The following CCDC70 variants were observed in gnomAD, a reference collection of about 807,000 sequenced individuals.
CCDC70 encodes the protein coiled-coil domain-containing protein 70.
CCDC70 carries 4 observed loss-of-function variants against 9.1 expected under a neutral mutation model. The ratio of observed to expected loss-of-function variants is 0.44; its 90% CI spans 0.22 to 1.00. The LOEUF is 1.00. Ranked by LOEUF, CCDC70 falls within the 50% of genes least tolerant of loss-of-function variation. The pLI is 0.25. For synonymous variants in CCDC70, 119 were observed against 94.0 expected, an observed-to-expected ratio of 1.27 and a Z score of -1.54; for missense variants, 308 against 271.3, an observed-to-expected ratio of 1.14 and a Z score of -0.95.
intron 1 of CCDC70, among the ~76,000 whole-genome samples, chr13:51,864,946 A>G (rs1332686618): frequency 6.6e-6 from 1 of 152,210 alleles, no homozygotes. Context: ...GGACATTCAC[A>G]CGTGAGCATG....
rs372624057 is a variant in CCDC70 at position 51,865,924 on chromosome 13, G to A, written c.513G>A (p.Thr171=). 4.2e-5 allele frequency: 68 copies of A among 1,614,014 alleles called. No homozygotes were observed. Among genetic ancestry groups the A allele is most frequent in the Middle Eastern group, 3.3e-4 (2 of 6,060 alleles). Residue 171 remains threonine (T), a synonymous_variant, in exon 2 of 2, where the codon ACG becomes ACA. Transcript: ENST00000242819. Reference sequence around the variant, plus strand: ...AGAAAGCCCTGTGGGAAGATAAAACGTCCCTCTGGGAGGAAGAGAATGCCC... The same window carrying A: ...AGAAAGCCCTGTGGGAAGATAAAACATCCCTCTGGGAGGAAGAGAATGCCC... ...EGEKALWEDK[T]SLWEEENALW... is the part of the protein sequence containing the mutation.
At chr13:51,863,149 G>A (rs934293390) in intron 1 of CCDC70, among the ~76,000 whole-genome samples, 9 of 152,234 alleles carry the variant, frequency 5.9e-5, no homozygotes, top group Non-Finnish European at 1.0e-4. Context: ...ACACAGGCAG[G>A]AAACTGCAGG....
intron 1 of CCDC70, among the ~76,000 whole-genome samples, chr13:51,863,706 CACACCAGCT>C (rs1297573090): frequency 1.3e-4 from 17 of 128,828 alleles, no homozygotes; most frequent in African/African-American, 4.5e-4. Flanking sequence ...CACACACACA[CACACCAGCT>C]ATGTGTCTTT....
In CCDC70 at chr13:51,866,168, A is replaced by C; in HGVS notation, c.*88A>C. The C allele has an allele frequency of 9.2e-7, 1 of 1,092,660 alleles. No homozygotes were observed. 67.7% of individuals were successfully genotyped at this position (1,092,660 alleles called of 1,614,324 possible). A position where few individuals can be genotyped will look rare whatever the true frequency, so the allele number is the denominator to read the frequency against. ...TGAGCCCATGTGCTGGAGAAAATAC[A>C]CACTCATTGGTCTCCTTGCTTTGAA... On this transcript the variant is annotated 3_prime_UTR_variant, in exon 2 of 2. Coordinates refer to ENST00000242819, the MANE Select transcript of CCDC70 (RefSeq NM_031290.4).
intron 1 of CCDC70, among the ~76,000 whole-genome samples, chr13:51,864,947 C>T (rs558694224): frequency 2.6e-5 from 4 of 152,314 alleles, no homozygotes; most frequent in South Asian, 4.1e-4. Context: ...GACATTCACA[C>T]GTGAGCATGC....
At chr13:51,864,715 G>T (rs1743754500) in intron 1 of CCDC70, among the ~76,000 whole-genome samples, 1 of 152,178 alleles carries the variant, frequency 6.6e-6, no homozygotes, top group South Asian at 2.1e-4. Flanking sequence ...TTATACCTGG[G>T]ACTGGAGCTG....
intron 1 of CCDC70, 36 bp downstream of exon 1, chr13:51,862,265 G>T (rs903364569): frequency 2.6e-5 from 4 of 152,142 alleles, no homozygotes; most frequent in Non-Finnish European, 5.9e-5. Context: ...TATAGTATTT[G>T]TTCTAAGCAT....
rs747945653 is a variant in CCDC70 at position 51,865,753 on chromosome 13, C to T, written c.342C>T (p.Tyr114=). 3 of 1,614,078 alleles carry T rather than the reference C, an allele frequency of 1.9e-6. No individual in the cohort carries two copies. The highest frequency in any genetic ancestry group is 1.1e-5 in the South Asian group (1 of 91,070). The change falls in exon 2 of 2, where the codon TAC becomes TAT. Residue 114 remains tyrosine (Y), a synonymous_variant. Coordinates refer to ENST00000242819, the MANE Select transcript of CCDC70 (RefSeq NM_031290.4). ...REEEKTFWKK[Y]RTFWKEDKAF... is the part of the protein sequence containing the mutation. ...AAGAGAAAACTTTCTGGAAAAAGTA[C>T]CGCACTTTCTGGAAGGAGGATAAGG... is the stretch of plus-strand genomic sequence containing the variant.
At position 51,866,197 on chromosome 13, in the gene CCDC70, T is replaced by G; in HGVS notation, c.*117T>G. ...TCATTGGTCTCCTTGCTTTGAAAGA[T>G]CCAATAAAGTCCTGAGGCAAGGTTT... On this transcript the variant is annotated 3_prime_UTR_variant, in exon 2 of 2. Coordinates refer to ENST00000242819, the MANE Select transcript of CCDC70 (RefSeq NM_031290.4). 1.1e-6 allele frequency: 1 copy of G among 885,408 alleles called. No homozygotes were observed. Among genetic ancestry groups the G allele is most frequent in the South Asian group, 2.3e-5 (1 of 43,080 alleles). 54.8% of individuals were successfully genotyped at this position (885,408 alleles called of 1,614,324 possible). A position where few individuals can be genotyped will look rare whatever the true frequency, so the allele number is the denominator to read the frequency against.
Position 51,865,738 on chromosome 13 carries a change from T to C in CCDC70, c.327T>C (p.Thr109=). The change falls in exon 2 of 2, where the codon ACT becomes ACC. Residue 109 remains threonine (T), a synonymous_variant. Coordinates refer to ENST00000242819, the MANE Select transcript of CCDC70 (RefSeq NM_031290.4). The part of the protein sequence containing the change: ...MEKSFREEEK[T]FWKKYRTFWK... ...AGTCTTTCAGGGAGGAAGAGAAAAC[T>C]TTCTGGAAAAAGTACCGCACTTTCT... 6.2e-7 allele frequency: 1 copy of C among 1,613,996 alleles called. No homozygotes were observed. The highest frequency in any genetic ancestry group is 8.5e-7 in the Non-Finnish European group (1 of 1,179,974).
At chr13:51,862,308 G>A (rs920705962) in intron 1 of CCDC70, 79 bp downstream of exon 1, 3 of 152,162 alleles carry the variant, frequency 2.0e-5, no homozygotes, top group Non-Finnish European at 4.4e-5. Context: ...TTAAAAAGAA[G>A]CTCCTAGTCT....
intron 1 of CCDC70, 24 bp from the exon 2 acceptor site, chr13:51,865,308 C>A: frequency 7.8e-7 from 1 of 1,289,358 alleles, no homozygotes; most frequent in East Asian, 2.3e-5. Flanking sequence ...ACTCATAGAT[C>A]TGTCTTTTCT....
At position 51,866,075 on chromosome 13, in the gene CCDC70, G is replaced by T. The variant is rs1234760006; in HGVS notation, c.664G>T (p.Ala222Ser). The T allele has an allele frequency of 6.4e-7, 1 of 1,569,468 alleles. No homozygotes were observed. The highest frequency in any genetic ancestry group is 8.6e-7 in the Non-Finnish European group (1 of 1,160,738). Residue 222 changes from alanine to serine, a missense_variant, in exon 2 of 2, where the codon GCG (alanine) becomes TCG (serine). Transcript: ENST00000242819. Reference sequence around the variant, plus strand: ...CTTGCTGGCCTTCTCCCGAGGCAGGGCGTAGCCAGCATGCAGGTGCAGGGC... The same window carrying T: ...CTTGCTGGCCTTCTCCCGAGGCAGGTCGTAGCCAGCATGCAGGTGCAGGGC... ...QRLLAFSRGR[A>S]
At position 51,862,201 on chromosome 13, in the gene CCDC70, GA is replaced by G. The variant is rs1383192340; in HGVS notation, c.-108del. 2 of 152,204 alleles carry G rather than the reference GA, an allele frequency of 1.3e-5. No homozygotes were observed. The highest frequency in any genetic ancestry group is 6.5e-5 in the Admixed American group (1 of 15,280). 9.4% of individuals were successfully genotyped at this position (152,204 alleles called of 1,614,324 possible). A position where few individuals can be genotyped will look rare whatever the true frequency, so the allele number is the denominator to read the frequency against. On this transcript the variant is annotated 5_prime_UTR_variant, in exon 1 of 2. Transcript: ENST00000242819. ...CGCCTGCCCCCTCTGAGGGCTACAG[GA>G]CTTACCCCAGTGGGAAGCAGCTAAG...
intron 1 of CCDC70, among the ~76,000 whole-genome samples, chr13:51,862,947 C>T (rs148890018): frequency 6.6e-6 from 1 of 152,348 alleles, no homozygotes; most frequent in East Asian, 1.9e-4. Context: ...GTCAGGAAGA[C>T]ATGTCCACAC....
At position 51,865,843 on chromosome 13, in the gene CCDC70, C is replaced by G. The variant is rs1429386832; in HGVS notation, c.432C>G (p.Ala144=). The G allele has an allele frequency of 1.9e-6, 3 of 1,613,776 alleles. No individual in the cohort carries two copies. Among genetic ancestry groups the G allele is most frequent in the Non-Finnish European group, 2.5e-6 (3 of 1,179,984 alleles). Residue 144 remains alanine (A), a synonymous_variant, in exon 2 of 2, where the codon GCC becomes GCG. Transcript: ENST00000242819. ...RDRNLLQEDK[A]LWEEEKALWV... Reference sequence around the variant, plus strand: ...GGAACCTTCTTCAGGAGGACAAGGCCCTGTGGGAGGAAGAAAAGGCCCTGT... The same window carrying G: ...GGAACCTTCTTCAGGAGGACAAGGCGCTGTGGGAGGAAGAAAAGGCCCTGT...
In CCDC70 at chr13:51,866,026, C is replaced by A. The variant is rs759245518; in HGVS notation, c.615C>A (p.Pro205=). 6.2e-7 allele frequency: 1 copy of A among 1,608,658 alleles called. No individual in the cohort carries two copies. The change falls in exon 2 of 2, where the codon CCC becomes CCA. Residue 205 remains proline, a synonymous_variant. Coordinates refer to ENST00000242819, the MANE Select transcript of CCDC70 (RefSeq NM_031290.4). ...IAGEQMLEDG[P]HNANRGQRLL... ...GAGAGCAGATGCTCGAAGATGGGCC[C>A]CACAACGCCAACAGAGGGCAGCGCT...
At chr13:51,863,672 G>GACAC (rs35041555) in intron 1 of CCDC70, among the ~76,000 whole-genome samples, 4,963 of 134,352 alleles carry the variant, frequency 0.037, 229 homozygotes, top group African/African-American at 0.11. Flanking sequence ...CGCGCACACA[G>GACAC]ACACACACAC....
rs139636426 is a variant in CCDC70, at chr13:51,865,427, G to C, written c.16G>C (p.Val6Leu). The C allele has an allele frequency of 1.9e-4, 308 of 1,611,854 alleles. 2 individuals are homozygous for C. The highest frequency in any genetic ancestry group is 1.6e-3 in the South Asian group (147 of 90,938). Residue 6 changes from valine (V) to leucine (L), a missense_variant, in exon 2 of 2, where the codon GTG becomes CTG. Val to Leu is a conservative substitution (Grantham distance 32). Transcript: ENST00000242819. MFSFK[V>L]SRWMGLACFR... The stretch of plus-strand genomic sequence containing the variant: ...GATAAGGAAGATGTTTTCCTTCAAG[G>C]TGAGCAGATGGATGGGGCTTGCCTG...
Sources: allele counts gnomAD v4.1 joint callset (sites outside exome capture counted in the v4.1 genomes callset), GRCh38; gene constraint gnomAD v4.1.1; transcripts MANE v1.5; gene names NCBI Gene and HGNC (gene_info 2026-07-23, HGNC 2026-07-21).